LAMC3: variants seen among roughly 807,000 people sequenced by gnomAD.
LAMC3 encodes laminin subunit gamma 3, also known as laminin subunit gamma-3.
A neutral mutation model predicts 173.8 loss-of-function variants in LAMC3; 128 were observed. That is an observed-to-expected ratio of 0.74 (90% CI 0.64 to 0.85). The LOEUF (loss-of-function observed/expected upper bound fraction) is 0.85. LAMC3 is among the 40% of genes least tolerant of loss of function. LAMC3 has a pLI of 0.00. For missense variants in LAMC3, 2,022 were observed against 2,156.0 expected (o/e 0.94, Z 1.23); for synonymous variants, 897 against 909.1 (o/e 0.99, Z 0.24).
At chr9:131,034,031 G>A (rs923628510) in intron 3 of LAMC3, among the ~76,000 whole-genome samples, 5 of 152,140 alleles carry the variant, frequency 3.3e-5, no homozygotes, top group African/African-American at 4.8e-5. Context: ...GGAGCTCCCC[G>A]GGGAAGGCGG....
intron 24 of LAMC3, among the ~76,000 whole-genome samples, chr9:131,082,896 C>G (rs558884143): frequency 6.6e-6 from 1 of 152,272 alleles, no homozygotes; most frequent in Admixed American, 6.5e-5. Context: ...GCCCACTGCC[C>G]GGAAGAGATG....
At chr9:131,065,823 A>T (rs1196313341) in intron 13 of LAMC3, among the ~76,000 whole-genome samples, 3 of 122,508 alleles carry the variant, frequency 2.4e-5, no homozygotes, top group Admixed American at 1.5e-4. Context: ...GGTGATGATG[A>T]TGAGAATAAT....
chr9:131,032,567 T>TC lies in LAMC3; in HGVS notation c.809+392_809+393insC, dbSNP rs1554784107. Among the ~76,000 whole-genome samples the TC allele has an allele frequency of 3.2e-3, 439 of 137,938 alleles. 5 individuals are homozygous for TC. Among genetic ancestry groups the TC allele is most frequent in the African/African-American group, 0.014 (415 of 30,252 alleles). The allele number at this position is 137,938 out of a possible 152,430, so 90.5% of individuals were successfully genotyped here. On this transcript the variant is annotated intron_variant, in intron 3 of 27. Transcript: ENST00000361069. Reference sequence around the variant, plus strand: ...CTCTTGCTCTCTCTCGCTCTCTCTCTTGCTCTCTCTCGCTTGCTCTCTTTC... The same window carrying TC: ...CTCTTGCTCTCTCTCGCTCTCTCTCTCTGCTCTCTCTCGCTTGCTCTCTTTC...
chr9:131,078,722 C>T (rs1435559100), intron 22 of LAMC3, among the ~76,000 whole-genome samples: 1 of 152,178 alleles, frequency 6.6e-6, no homozygotes, highest in Non-Finnish European at 1.5e-5. Context: ...GGAAATTCTG[C>T]ATTCGGAAGC....
chr9:131,019,637 C>A (rs1032293606), intron 1 of LAMC3, among the ~76,000 whole-genome samples: 4 of 152,220 alleles, frequency 2.6e-5, no homozygotes, highest in South Asian at 2.1e-4. Context: ...GATCCCCAAA[C>A]ACTTCATTTA....
chr9:131,017,980 C>T lies in LAMC3; in HGVS notation c.374-8305C>T, dbSNP rs1018177449. Reference sequence around the variant, plus strand: ...GGCAGAGGCTGCAGTGAACCGAGATCGCACCACTGCACTCCAGCCTGGGCG... The same window carrying T: ...GGCAGAGGCTGCAGTGAACCGAGATTGCACCACTGCACTCCAGCCTGGGCG... On this transcript the variant is annotated intron_variant, in intron 1 of 27. Transcript: ENST00000361069. Among the ~76,000 whole-genome samples the T allele has an allele frequency of 3.3e-5, 5 of 151,940 alleles. No homozygotes were observed. In the East Asian group the frequency reaches 5.8e-4, roughly 18 times the overall value.
intron 1 of LAMC3, among the ~76,000 whole-genome samples, chr9:131,022,264 TAGAG>T (rs1316973811): frequency 3.8e-5 from 5 of 130,306 alleles, no homozygotes; most frequent in East Asian, 2.2e-4. Flanking sequence ...ATTTTTTTAA[TAGAG>T]AGACATGGTC....
At chr9:131,028,249 C>A (rs1833763648) in intron 2 of LAMC3, among the ~76,000 whole-genome samples, 1 of 152,148 alleles carries the variant, frequency 6.6e-6, no homozygotes, top group South Asian at 2.1e-4. Flanking sequence ...CCCAAACCAC[C>A]GCCTACCCCG....
intron 24 of LAMC3, among the ~76,000 whole-genome samples, chr9:131,082,574 T>C (rs1830260926): frequency 6.6e-6 from 1 of 152,126 alleles, no homozygotes; most frequent in African/African-American, 2.4e-5. Flanking sequence ...GGGCTATGGG[T>C]TGATGCCAGT....
chr9:131,025,279 C>T (rs1163653696), intron 1 of LAMC3, among the ~76,000 whole-genome samples: 1 of 152,188 alleles, frequency 6.6e-6, no homozygotes, highest in East Asian at 1.9e-4. Context: ...TGCCTGTTGA[C>T]ATCCCATGAG....
At chr9:131,065,380 G>T (rs1829913016) in intron 13 of LAMC3, among the ~76,000 whole-genome samples, 2 of 152,172 alleles carry the variant, frequency 1.3e-5, no homozygotes, top group African/African-American at 4.8e-5. Context: ...ACAGGAGTCT[G>T]CAATGCACAG....
rs1429469485 is a variant in LAMC3, at chr9:131,093,765, G to A, written c.*1978G>A. On this transcript the variant is annotated 3_prime_UTR_variant, in exon 28 of 28. Coordinates refer to ENST00000361069, the MANE Select transcript of LAMC3 (RefSeq NM_006059.4). ...TTCCCCCCTCCCGCCTCTCTTCTTGGTCTGTGTCTCTGCTCTCCTCTCCTG... is the reference window on the plus strand; with the variant it reads ...TTCCCCCCTCCCGCCTCTCTTCTTGATCTGTGTCTCTGCTCTCCTCTCCTG... 6.6e-6 allele frequency: 1 copy of A among 152,204 alleles called. No homozygotes were observed. The highest frequency in any genetic ancestry group is 1.5e-5 in the Non-Finnish European group (1 of 68,114). 9.4% of individuals were successfully genotyped at this position (152,204 alleles called of 1,614,324 possible).
rs1430353433 is a variant in LAMC3 at position 131,026,485 on chromosome 9, T to C, written c.574T>C (p.Ser192Pro). The C allele has an allele frequency of 1.9e-6, 3 of 1,613,328 alleles. No individual in the cohort carries two copies. In the African/African-American group the frequency reaches 4.0e-5, roughly 22 times the overall value. ...GGACGAGCGCGTGGCCTTCTGCACCTCTGAGTTCAGCGACATCTCCCCGCT... is the reference window on the plus strand; with the variant it reads ...GGACGAGCGCGTGGCCTTCTGCACCCCTGAGTTCAGCGACATCTCCCCGCT... ...GEDERVAFCT[S>P]EFSDISPLSG... is the part of the protein sequence containing the mutation. Residue 192 changes from serine (S) to proline (P), a missense_variant, in exon 2 of 28, where the codon TCT becomes CCT. Ser to Pro is a moderately conservative substitution (Grantham distance 74). Coordinates refer to ENST00000361069, the MANE Select transcript of LAMC3 (RefSeq NM_006059.4). This position sits in a 1 kb window ranked among gnomAD's most constrained non-coding sequence, Gnocchi z 4.8.
intron 2 of LAMC3, among the ~76,000 whole-genome samples, chr9:131,027,637 AAAT>A (rs557086272): frequency 6.6e-5 from 10 of 151,818 alleles, no homozygotes; most frequent in Admixed American, 1.3e-4. Flanking sequence ...AAATTTAATA[AAAT>A]AATAATTATT....
intron 13 of LAMC3, among the ~76,000 whole-genome samples, chr9:131,066,427 G>A (rs1829933551): frequency 6.6e-6 from 1 of 151,922 alleles, no homozygotes; most frequent in African/African-American, 2.4e-5. Flanking sequence ...GGAGGCAGAG[G>A]TTGCAGTGAG....
chr9:131,045,659 G>A lies in LAMC3; in HGVS notation c.1518G>A (p.Gln506=), dbSNP rs1834142225. 4 of 1,614,016 alleles carry A rather than the reference G, an allele frequency of 2.5e-6. No individual in the cohort carries two copies. Among genetic ancestry groups the A allele is most frequent in the Non-Finnish European group, 2.5e-6 (3 of 1,180,054 alleles). ...QVHHILSDFH[Q]GAEGWWARSV... ...ATCACATCCTCAGCGATTTCCACCAGGGTAAGAGATGCTCCCTGCAAACGC... is the reference window on the plus strand; with the variant it reads ...ATCACATCCTCAGCGATTTCCACCAAGGTAAGAGATGCTCCCTGCAAACGC... The change falls in exon 8 of 28, where the codon CAG becomes CAA. Residue 506 remains glutamine, a splice_region_variant and synonymous_variant. Transcript: ENST00000361069.
In LAMC3 at chr9:131,052,535, A is replaced by G. The variant is rs148377508; in HGVS notation, c.1675A>G (p.Ile559Val). Residue 559 changes from isoleucine (I) to valine (V), a missense_variant, in exon 10 of 28, where the codon ATA becomes GTA. Physicochemically the swap from Ile to Val is conservative, Grantham distance 29. Coordinates refer to ENST00000361069, the MANE Select transcript of LAMC3 (RefSeq NM_006059.4). ...DQRFSYGQPL[I>V]LTFRVPPGDS... ...GCGGTTCAGCTATGGGCAGCCCCTC[A>G]TACTGACCTTCCGGGTGCCCCCCGG... 7.0e-4 allele frequency: 1,127 copies of G among 1,614,154 alleles called. 11 individuals are homozygous for G. The East Asian group carries it at 0.022, about 31-fold the overall frequency.
At chr9:131,030,307 A>T (rs944747204) in intron 2 of LAMC3, among the ~76,000 whole-genome samples, 1 of 152,226 alleles carries the variant, frequency 6.6e-6, no homozygotes, top group Non-Finnish European at 1.5e-5. Context: ...CTCTCCCAGC[A>T]TCCATCCTAT....
intron 2 of LAMC3, among the ~76,000 whole-genome samples, chr9:131,031,619 G>T (rs1049379677): frequency 5.9e-5 from 9 of 152,210 alleles, no homozygotes; most frequent in African/African-American, 1.9e-4. Context: ...TGCAGGAGCT[G>T]CTGGGAAAAG....
Sources: gnomAD v4.1 joint callset for allele counts (sites outside exome capture counted in the v4.1 genomes callset) on GRCh38, gnomAD v4.1.1 for gene constraint, Gnocchi (gnomAD v3.1) non-coding constraint, MANE v1.5 for transcripts, NCBI Gene and HGNC (gene_info 2026-07-23, HGNC 2026-07-21) for gene names.